The following MGAT4C variants were observed in gnomAD, a reference collection of about 807,000 sequenced individuals.
The protein encoded by MGAT4C is MGAT4 family member C, also known as alpha-1,3-mannosyl-glycoprotein 4-beta-N-acetylglucosaminyltransferase C.
In MGAT4C, 19 loss-of-function variants were observed where a neutral mutation model predicts 40.1. That is an observed-to-expected ratio of 0.47 (90% CI 0.33 to 0.70). The LOEUF (loss-of-function observed/expected upper bound fraction) is 0.70, where lower values mean the gene tolerates loss of function less well. MGAT4C is among the 30% of genes least tolerant of loss of function. The pLI is 0.02. For synonymous variants in MGAT4C, 181 were observed against 187.1 expected, an observed-to-expected ratio of 0.97 and a Z score of 0.27; for missense variants, 491 against 563.2, an observed-to-expected ratio of 0.87 and a Z score of 1.30.
chr12:86,498,895 T>C (rs537131635), intron 2 of MGAT4C, among the ~76,000 whole-genome samples: 1 of 152,044 alleles, frequency 6.6e-6, no homozygotes, highest in South Asian at 2.1e-4. Flanking sequence ...CTGGAAGTAC[T>C]GCCAAGAAGA....
Position 86,823,912 on chromosome 12 carries a change from AG to A in MGAT4C, c.-262+14753del, listed in dbSNP as rs1952753376. On this transcript the variant is annotated intron_variant, in intron 1 of 7. Transcript: ENST00000548651. ...TAAAACAAAACTAATAGGTTTAAAA[AG>A]TTTATATAGTAATCCTCCCTTATGC... 2.6e-5 allele frequency among the ~76,000 whole-genome samples: 4 copies of A among 151,620 alleles called. No homozygotes were observed. The South Asian group carries it at 6.2e-4, about 24-fold the overall frequency.
intron 1 of MGAT4C, among the ~76,000 whole-genome samples, chr12:86,814,988 T>C (rs559327147): frequency 6.5e-4 from 99 of 152,118 alleles, no homozygotes; most frequent in Non-Finnish European, 1.2e-3. Flanking sequence ...AGAAATCAAT[T>C]ATAAAATGAA....
At chr12:86,518,689 C>T (rs1473727276) in intron 2 of MGAT4C, among the ~76,000 whole-genome samples, 1 of 152,010 alleles carries the variant, frequency 6.6e-6, no homozygotes, top group Non-Finnish European at 1.5e-5. Flanking sequence ...TAGGCCTTTC[C>T]ATATGAAAAA....
At chr12:86,735,537 G>A (rs181050911) in intron 1 of MGAT4C, among the ~76,000 whole-genome samples, 204 of 151,996 alleles carry the variant, frequency 1.3e-3, no homozygotes, top group African/African-American at 4.8e-3. Flanking sequence ...ATCTGTGATG[G>A]ATAGATTTCT....
intron 2 of MGAT4C, among the ~76,000 whole-genome samples, chr12:86,485,979 G>A (rs1165798494): frequency 1.3e-5 from 2 of 152,012 alleles, no homozygotes. Flanking sequence ...ACCAAACTAA[G>A]CCTCATAAAG....
At chr12:86,649,799 G>A (rs933633002) in intron 2 of MGAT4C, among the ~76,000 whole-genome samples, 1 of 151,688 alleles carries the variant, frequency 6.6e-6, no homozygotes, top group Non-Finnish European at 1.5e-5. Context: ...TATATCTGTA[G>A]GGTATTGATA....
At chr12:86,697,606 T>C (rs1950280952) in intron 2 of MGAT4C, among the ~76,000 whole-genome samples, 1 of 152,258 alleles carries the variant, frequency 6.6e-6, no homozygotes, top group Non-Finnish European at 1.5e-5. Context: ...GATGTTTTTC[T>C]TTGGAGGAAC....
intron 1 of MGAT4C, among the ~76,000 whole-genome samples, chr12:86,142,657 G>A (rs1882989079): frequency 6.6e-6 from 1 of 151,616 alleles, no homozygotes; most frequent in African/African-American, 2.4e-5. Flanking sequence ...TTAGATATTG[G>A]TGGTTACAAT....
chr12:86,654,529 AT>A (rs1291142925), intron 2 of MGAT4C, among the ~76,000 whole-genome samples: 1 of 151,920 alleles, frequency 6.6e-6, no homozygotes, highest in Non-Finnish European at 1.5e-5. Context: ...TTCTATGTGG[AT>A]TTTCGGGACA....
At chr12:86,772,773 T>C (rs1350676190) in intron 1 of MGAT4C, among the ~76,000 whole-genome samples, 3 of 152,214 alleles carry the variant, frequency 2.0e-5, no homozygotes, top group African/African-American at 7.2e-5. Context: ...TTTCTTCCTT[T>C]TGAAATTGAA....
At chr12:86,786,287 A>T (rs922275937) in intron 1 of MGAT4C, among the ~76,000 whole-genome samples, 6 of 152,128 alleles carry the variant, frequency 3.9e-5, no homozygotes, top group Non-Finnish European at 8.8e-5. Context: ...TAACAAAAGA[A>T]ATCTGCTAGA....
At chr12:86,712,730 A>T (rs1950579310) in intron 2 of MGAT4C, among the ~76,000 whole-genome samples, 1 of 152,142 alleles carries the variant, frequency 6.6e-6, no homozygotes, top group South Asian at 2.1e-4. Flanking sequence ...GGGTGCTTAT[A>T]GTCTCAAGTC....
chr12:86,184,740 A>T (rs1307338511), intron 1 of MGAT4C, among the ~76,000 whole-genome samples: 1 of 11,502 alleles, frequency 8.7e-5, no homozygotes, highest in Non-Finnish European at 3.1e-4. Context: ...TCTCCTGTTA[A>T]AAAAAAAAAA....
chr12:86,430,872 C>A (rs1957024225), intron 3 of MGAT4C, among the ~76,000 whole-genome samples: 1 of 152,150 alleles, frequency 6.6e-6, no homozygotes, highest in Non-Finnish European at 1.5e-5. Flanking sequence ...AGTGAAGATA[C>A]TACTTGATTT....
intron 3 of MGAT4C, among the ~76,000 whole-genome samples, chr12:86,383,983 G>C (rs1274123281): frequency 1.3e-5 from 2 of 152,042 alleles, no homozygotes; most frequent in Non-Finnish European, 2.9e-5. Context: ...TTAAATCATG[G>C]GGCAGGTCTT....
chr12:86,593,404 C>T (rs1406885605), intron 2 of MGAT4C, among the ~76,000 whole-genome samples: 3 of 151,914 alleles, frequency 2.0e-5, no homozygotes. Flanking sequence ...ATATTTTCTA[C>T]TCTCTGCTAG....
intron 4 of MGAT4C, among the ~76,000 whole-genome samples, chr12:86,286,064 A>G (rs1234829989): frequency 2.0e-5 from 3 of 152,084 alleles, no homozygotes; most frequent in African/African-American, 7.2e-5. Context: ...TCTTTTTTCT[A>G]TAATAAACAT....
chr12:86,352,828 G>A (rs1308559531), intron 3 of MGAT4C, among the ~76,000 whole-genome samples: 1 of 150,780 alleles, frequency 6.6e-6, no homozygotes, highest in African/African-American at 2.4e-5. Flanking sequence ...GAGAACACAT[G>A]GACACAGGAA....
chr12:86,568,547 T>A (rs1960229314), intron 2 of MGAT4C, among the ~76,000 whole-genome samples: 1 of 146,402 alleles, frequency 6.8e-6, no homozygotes, highest in Non-Finnish European at 1.5e-5. Flanking sequence ...CTCCCCTTCA[T>A]ATATATATAT....
Sources: gnomAD v4.1 joint callset for allele counts (sites outside exome capture counted in the v4.1 genomes callset) on GRCh38, gnomAD v4.1.1 for gene constraint, MANE v1.5 for transcripts, NCBI Gene and HGNC (gene_info 2026-07-23, HGNC 2026-07-21) for gene names.